The following NVL variants were observed in gnomAD, a reference collection of about 807,000 sequenced individuals.
The protein encoded by NVL is nuclear valosin-containing protein-like.
Under a neutral mutation model 110.2 loss-of-function variants are expected in NVL, and 84 were observed. The ratio of observed to expected loss-of-function variants is 0.76; its 90% confidence interval spans 0.64 to 0.91. The LOEUF (loss-of-function observed/expected upper bound fraction) is 0.91, where lower values mean the gene tolerates loss of function less well. Among genes scored for constraint, NVL ranks in the 40% least tolerant of loss-of-function variants. The pLI is 0.00. For missense variants in NVL, 882 were observed against 1,035.9 expected (o/e 0.85, Z 2.04); for synonymous variants, 354 against 361.1 (o/e 0.98, Z 0.22).
chr1:224,256,899 A>C, intron 18 of NVL: 1 of 421,034 alleles, frequency 2.4e-6, no homozygotes, highest in Non-Finnish European at 4.7e-6. Flanking sequence ...AATCAGGTCA[A>C]CCCTATGACA....
intron 2 of NVL, among the ~76,000 whole-genome samples, chr1:224,320,474 C>T (rs1467857621): frequency 2.6e-5 from 4 of 152,070 alleles, no homozygotes; most frequent in Admixed American, 2.0e-4. Flanking sequence ...TGGTAAAACC[C>T]CATCTCTACT....
intron 17 of NVL, among the ~76,000 whole-genome samples, chr1:224,269,084 CTTTTTTTTT>C (rs34790130): frequency 1.0e-5 from 1 of 97,942 alleles, no homozygotes; most frequent in Non-Finnish European, 2.1e-5. Flanking sequence ...GTGAGACTAA[CTTTTTTTTT>C]TTTTTTTTTT....
chr1:224,307,898 C>T, intron 6 of NVL, 93 bp downstream of exon 6: 1 of 1,258,078 alleles, frequency 7.9e-7, no homozygotes, highest in Non-Finnish European at 1.1e-6. Flanking sequence ...CTATGCCTTC[C>T]ACAAAACACA....
chr1:224,307,616 T>A (rs1198133503), intron 6 of NVL, among the ~76,000 whole-genome samples: 2 of 146,668 alleles, frequency 1.4e-5, no homozygotes, highest in Admixed American at 1.4e-4. Context: ...GGGGGATGGC[T>A]TGAGCCTGGA....
intron 18 of NVL, among the ~76,000 whole-genome samples, chr1:224,256,442 A>AAAAAC (rs1179137169): frequency 1.0e-4 from 15 of 150,068 alleles, no homozygotes; most frequent in African/African-American, 3.7e-4. Context: ...AAAAAAAAAA[A>AAAAAC]AAAAACCCAC....
At position 224,272,663 on chromosome 1, in the gene NVL, G is replaced by A. The variant is rs138578036; in HGVS notation, c.2082+2676C>T. On this transcript the variant is annotated intron_variant, in intron 17 of 22. Coordinates refer to ENST00000281701, the MANE Select transcript of NVL (RefSeq NM_002533.4). ...ACCTGGGAGGCAGAGGCTGCAGTGA[G>A]CTGAGATTACACCACTGCACTCCAG... Among the ~76,000 whole-genome samples the A allele has an allele frequency of 6.9e-3, 1,053 of 152,136 alleles. 6 individuals carry two copies. Among genetic ancestry groups the A allele is most frequent in the African/African-American group, 0.024 (990 of 41,502 alleles).
At chr1:224,244,729 C>A (rs1011306457) in intron 19 of NVL, among the ~76,000 whole-genome samples, 1 of 151,452 alleles carries the variant, frequency 6.6e-6, no homozygotes, top group Non-Finnish European at 1.5e-5. Flanking sequence ...ACTCTGTTGC[C>A]CAGGCTGGAG....
intron 4 of NVL, among the ~76,000 whole-genome samples, chr1:224,317,380 G>A (rs992890908): frequency 6.6e-6 from 1 of 152,062 alleles, no homozygotes; most frequent in Non-Finnish European, 1.5e-5. Context: ...TCTGTAACTA[G>A]AAGCTAAGGA....
chr1:224,253,462 G>C (rs987785087), intron 18 of NVL, among the ~76,000 whole-genome samples: 17 of 151,364 alleles, frequency 1.1e-4, no homozygotes, highest in African/African-American at 1.7e-4. Context: ...TGGCCGGGTG[G>C]AGTGGCTCAC....
chr1:224,315,575 C>T (rs949618495), intron 4 of NVL, among the ~76,000 whole-genome samples: 1 of 152,212 alleles, frequency 6.6e-6, no homozygotes, highest in Admixed American at 6.5e-5. Context: ...TAAACACTGA[C>T]CATAACAAAT....
At chr1:224,246,701 G>C (rs1661859043) in intron 19 of NVL, among the ~76,000 whole-genome samples, 1 of 152,106 alleles carries the variant, frequency 6.6e-6, no homozygotes, top group East Asian at 1.9e-4. Flanking sequence ...CACATACATT[G>C]ACCAAAGCAA....
intron 2 of NVL, among the ~76,000 whole-genome samples, chr1:224,324,907 T>A (rs1670991065): frequency 6.6e-6 from 1 of 152,192 alleles, no homozygotes; most frequent in Non-Finnish European, 1.5e-5. Context: ...TATGTTGATG[T>A]CCTAACCCCC....
In NVL at chr1:224,289,464, G is replaced by T. The variant is rs189875954; in HGVS notation, c.1575+20C>A. 5.9e-4 allele frequency: 947 copies of T among 1,612,164 alleles called. 3 individuals carry two copies. Among genetic ancestry groups the T allele is most frequent in the Admixed American group, 7.6e-4 (45 of 59,602 alleles). Reference sequence around the variant, plus strand: ...AAAGAACATTAAAAGGACAATTTAAGGTGCCTTTAGAGAAAGCACCTGTGT... The same window carrying T: ...AAAGAACATTAAAAGGACAATTTAATGTGCCTTTAGAGAAAGCACCTGTGT... On this transcript the variant is annotated intron_variant, in intron 13 of 22. Coordinates refer to ENST00000281701, the MANE Select transcript of NVL (RefSeq NM_002533.4).
intron 10 of NVL, among the ~76,000 whole-genome samples, chr1:224,299,788 G>A (rs1460364656): frequency 2.0e-5 from 3 of 151,874 alleles, no homozygotes; most frequent in Admixed American, 6.6e-5. Flanking sequence ...ACGTCAGCCC[G>A]CACCATAACT....
chr1:224,253,244 G>C (rs1662717334), intron 18 of NVL, among the ~76,000 whole-genome samples: 1 of 151,258 alleles, frequency 6.6e-6, no homozygotes, highest in African/African-American at 2.4e-5. Flanking sequence ...TAGAGACAGG[G>C]TTTCACCATC....
chr1:224,232,852 C>G lies in NVL; in HGVS notation c.2455+349G>C, dbSNP rs1257909489. The G allele has an allele frequency of 1.7e-5, 3 of 175,540 alleles. No individual in the cohort carries two copies. The East Asian group carries it at 4.4e-4, about 26-fold the overall frequency. The allele number at this position is 175,540 out of a possible 1,614,324, so 10.9% of individuals were successfully genotyped here. ...TCACTTCTCTTGTGTATTTTCTAAG[C>G]TCTCCAATTTAGGCTGCATTTTAAC... On this transcript the variant is annotated intron_variant, in intron 21 of 22. Coordinates refer to ENST00000281701, the MANE Select transcript of NVL (RefSeq NM_002533.4).
intron 4 of NVL, chr1:224,313,172 A>AAC (rs762797863): frequency 0.03 from 8,445 of 276,902 alleles, 769 homozygotes; most frequent in African/African-American, 0.18. Context: ...AAAAAAAAAA[A>AAC]AAAAAAAACA....
intron 15 of NVL, among the ~76,000 whole-genome samples, chr1:224,283,910 G>T (rs1666616790): frequency 6.6e-6 from 1 of 152,184 alleles, no homozygotes; most frequent in South Asian, 2.1e-4. Context: ...ATAAATAAAA[G>T]TAAGTTTTAC....
intron 2 of NVL, among the ~76,000 whole-genome samples, chr1:224,322,125 C>T (rs539311492): frequency 1.8e-4 from 28 of 152,250 alleles, no homozygotes; most frequent in Middle Eastern, 6.8e-3. Context: ...CTGTCACCCA[C>T]GCTTCAGTGC....
Sources: allele counts gnomAD v4.1 joint callset (sites outside exome capture counted in the v4.1 genomes callset), GRCh38; gene constraint gnomAD v4.1.1; transcripts MANE v1.5; gene names NCBI Gene and HGNC (gene_info 2026-07-23, HGNC 2026-07-21).